Variants in GRIP1 observed in about 807,000 individuals in gnomAD.
GRIP1 encodes glutamate receptor-interacting protein 1.
Under a neutral mutation model 129.9 loss-of-function variants are expected in GRIP1, and 45 were observed. The observed-to-expected ratio is 0.35, with a 90% CI of 0.27 to 0.44. The LOEUF (loss-of-function observed/expected upper bound fraction) is 0.44, where lower values mean the gene tolerates loss of function less well. GRIP1 is among the 20% of genes least tolerant of loss of function. The probability of loss-of-function intolerance (pLI) is 1.00; values close to 1 mark genes in which losing one functional copy is unlikely to be tolerated. For missense variants in GRIP1, 1,196 were observed against 1,396.8 expected, an observed-to-expected ratio of 0.86 and a Z score of 2.29; for synonymous variants, 530 against 520.8, an observed-to-expected ratio of 1.02 and a Z score of -0.24.
At chr12:66,395,455 G>A (rs946628788) in intron 16 of GRIP1, among the ~76,000 whole-genome samples, 3 of 152,192 alleles carry the variant, frequency 2.0e-5, no homozygotes, top group Admixed American at 1.3e-4. Context: ...GTTCGTTTAC[G>A]ATATGAAATC....
At chr12:66,710,111 G>T (rs180970659) in intron 1 of GRIP1, among the ~76,000 whole-genome samples, 2 of 151,856 alleles carry the variant, frequency 1.3e-5, no homozygotes, top group Non-Finnish European at 2.9e-5. Flanking sequence ...CTTTTTTTCT[G>T]CTTTCATACT....
intron 3 of GRIP1, 79 bp downstream of exon 3, chr12:66,541,736 C>A: frequency 7.0e-7 from 1 of 1,429,518 alleles, no homozygotes; most frequent in Non-Finnish European, 9.9e-7. Context: ...TTATTAGTGA[C>A]CACTTTTGAT....
rs2039106762 is a variant in GRIP1 at position 66,811,628 on chromosome 12, C to A, written c.59-214701G>T. 2.0e-5 allele frequency among the ~76,000 whole-genome samples: 3 copies of A among 152,146 alleles called. No homozygotes were observed. In the South Asian group the frequency reaches 6.2e-4, roughly 32 times the overall value. On this transcript the variant is annotated intron_variant, in intron 1 of 1. Coordinates refer to the GRIP1 transcript ENST00000643019. The stretch of plus-strand genomic sequence containing the variant: ...ATTCTCTCTCTCTCTCTGACTCTCT[C>A]CTCTCTTCCTCCTTCCCTCCCTCCT...
chr12:66,567,000 G>T (rs952715004), intron 2 of GRIP1, among the ~76,000 whole-genome samples: 2 of 151,620 alleles, frequency 1.3e-5, no homozygotes, highest in East Asian at 3.9e-4. Flanking sequence ...ATTTTTTATT[G>T]CATGTATTCT....
intron 1 of GRIP1, among the ~76,000 whole-genome samples, chr12:66,709,963 ATGT>A (rs2035660984): frequency 6.6e-6 from 1 of 151,974 alleles, no homozygotes; most frequent in Middle Eastern, 3.2e-3. Flanking sequence ...CTGGAATTAT[ATGT>A]TATTAGGAAG....
chr12:66,584,530 G>A (rs951995059), intron 2 of GRIP1, among the ~76,000 whole-genome samples: 2 of 152,100 alleles, frequency 1.3e-5, no homozygotes, highest in African/African-American at 4.8e-5. Context: ...CTGAGGTCAC[G>A]CCATTGCATG....
intron 1 of GRIP1, among the ~76,000 whole-genome samples, chr12:67,000,938 T>C (rs2135681162): frequency 6.6e-6 from 1 of 152,306 alleles, no homozygotes; most frequent in Middle Eastern, 3.4e-3. Context: ...CCATAAGATA[T>C]CCTTATCCTA....
intron 2 of GRIP1, among the ~76,000 whole-genome samples, chr12:66,577,692 G>A (rs1414257088): frequency 1.3e-5 from 2 of 152,194 alleles, no homozygotes; most frequent in African/African-American, 4.8e-5. Context: ...GCTCACGCCT[G>A]TAATTCCAGT....
chr12:66,757,652 G>T lies in GRIP1; in HGVS notation c.-420+46401C>A, dbSNP rs572369928. ...GGACCATATGGTAGCTCCATTTTTA[G>T]TTTTTTAAGGGACCTCCAAATTGTT... is the stretch of plus-strand genomic sequence containing the variant. On this transcript the variant is annotated intron_variant, in intron 1 of 4. Transcript: ENST00000538373. 2.6e-5 allele frequency among the ~76,000 whole-genome samples: 4 copies of T among 152,232 alleles called. No homozygotes were observed. In the East Asian group the frequency reaches 7.7e-4, roughly 29 times the overall value.
intron 15 of GRIP1, among the ~76,000 whole-genome samples, chr12:66,420,414 G>GGTT (rs1455462988): frequency 1.9e-4 from 21 of 111,278 alleles, no homozygotes; most frequent in African/African-American, 6.9e-4. Context: ...CTACTTTCAG[G>GGTT]GTTTTTTTTT....
intron 1 of GRIP1, among the ~76,000 whole-genome samples, chr12:66,973,724 A>T (rs1824529880): frequency 6.6e-6 from 1 of 152,086 alleles, no homozygotes; most frequent in African/African-American, 2.4e-5. Flanking sequence ...GTAATTTTGT[A>T]GGTACCATAT....
chr12:66,610,978 A>G (rs1300254209), intron 1 of GRIP1, among the ~76,000 whole-genome samples: 1 of 152,190 alleles, frequency 6.6e-6, no homozygotes, highest in Non-Finnish European at 1.5e-5. Context: ...TCTCCACTGT[A>G]TAACTATAGC....
At chr12:67,035,344 G>A (rs1015320687) in intron 1 of GRIP1, among the ~76,000 whole-genome samples, 8 of 152,148 alleles carry the variant, frequency 5.3e-5, no homozygotes, top group Admixed American at 2.6e-4. Context: ...GGGAGGGTTC[G>A]CAGTTTGGAA....
At chr12:66,724,771 C>T (rs996294125) in intron 1 of GRIP1, among the ~76,000 whole-genome samples, 2 of 152,148 alleles carry the variant, frequency 1.3e-5, no homozygotes, top group African/African-American at 4.8e-5. Context: ...GTGAAAAAAC[C>T]CAGGGAGTTC....
intron 2 of GRIP1, among the ~76,000 whole-genome samples, chr12:66,586,921 A>T (rs189570085): frequency 1.2e-4 from 19 of 152,326 alleles, no homozygotes; most frequent in Non-Finnish European, 2.1e-4. Flanking sequence ...TAAAATAAAC[A>T]AAAAAGAAAT....
chr12:67,062,926 G>A (rs772985336), intron 1 of GRIP1, among the ~76,000 whole-genome samples: 1 of 152,114 alleles, frequency 6.6e-6, no homozygotes, highest in Non-Finnish European at 1.5e-5. Flanking sequence ...AAAAATTATT[G>A]ATTGATTGTT....
intron 1 of GRIP1, among the ~76,000 whole-genome samples, chr12:66,997,021 C>T (rs535469273): frequency 2.6e-5 from 4 of 152,094 alleles, no homozygotes; most frequent in East Asian, 3.9e-4. Flanking sequence ...AACCACTGGA[C>T]AGAAAGACTA....
intron 1 of GRIP1, among the ~76,000 whole-genome samples, chr12:66,636,629 G>A (rs2031401036): frequency 6.6e-6 from 1 of 151,830 alleles, no homozygotes; most frequent in East Asian, 1.9e-4. Flanking sequence ...TTAAGGAGCT[G>A]ATTAAGGTTA....
At chr12:67,053,990 T>C (rs777242181) in intron 1 of GRIP1, among the ~76,000 whole-genome samples, 1 of 152,208 alleles carries the variant, frequency 6.6e-6, no homozygotes, top group Non-Finnish European at 1.5e-5. Flanking sequence ...AGATTTCCAG[T>C]GGTGAAAGAG....
Sources: allele counts gnomAD v4.1 joint callset (sites outside exome capture counted in the v4.1 genomes callset), GRCh38; gene constraint gnomAD v4.1.1; transcripts MANE v1.5; gene names NCBI Gene and HGNC (gene_info 2026-07-23, HGNC 2026-07-21).